EPHA6: variants seen among roughly 807,000 people sequenced by gnomAD.
The protein encoded by EPHA6 is EPH receptor A6.
EPHA6 carries 50 observed loss-of-function variants against 112.0 expected under a neutral mutation model. The ratio of observed to expected loss-of-function variants is 0.45; its 90% CI spans 0.36 to 0.56. The LOEUF is 0.56. EPHA6 is among the 20% of genes least tolerant of loss of function. EPHA6 has a pLI of 0.00. For synonymous variants in EPHA6, 529 were observed against 490.7 expected (o/e 1.08, Z -1.03); for missense variants, 1,280 against 1,417.4 (o/e 0.90, Z 1.56).
chr3:97,328,011 A>C (rs899029133), intron 5 of EPHA6, among the ~76,000 whole-genome samples: 6 of 135,200 alleles, frequency 4.4e-5, no homozygotes, highest in East Asian at 2.0e-4. Flanking sequence ...GTATATGTAT[A>C]TGTGTATATA....
chr3:97,635,007 T>C (rs1271187166), intron 13 of EPHA6, among the ~76,000 whole-genome samples: 2 of 151,934 alleles, frequency 1.3e-5, no homozygotes, highest in Non-Finnish European at 2.9e-5. Flanking sequence ...TAGTATAGCT[T>C]GGTTTGGTGC....
intron 5 of EPHA6, among the ~76,000 whole-genome samples, chr3:97,311,877 G>A (rs367850988): frequency 6.8e-6 from 1 of 146,288 alleles, no homozygotes; most frequent in East Asian, 2.0e-4. Context: ...ACACCCACTA[G>A]AATTTTGAAT....
intron 13 of EPHA6, chr3:97,612,550 G>T: frequency 4.4e-6 from 1 of 227,578 alleles, no homozygotes; most frequent in East Asian, 9.8e-5. Context: ...ATGTTTTAAA[G>T]AAACAATAAT....
chr3:97,459,336 T>C (rs2090807141), intron 7 of EPHA6, among the ~76,000 whole-genome samples: 1 of 152,134 alleles, frequency 6.6e-6, no homozygotes, highest in Non-Finnish European at 1.5e-5. Flanking sequence ...ACCCACTAAA[T>C]CAGAAACTCT....
chr3:97,055,627 TGAG>T (rs2045828013), intron 3 of EPHA6, among the ~76,000 whole-genome samples: 4 of 152,164 alleles, frequency 2.6e-5, no homozygotes, highest in African/African-American at 9.6e-5. Context: ...AATGTAATGT[TGAG>T]GAACAACTGT....
At chr3:97,162,150 A>G (rs576928228) in intron 3 of EPHA6, among the ~76,000 whole-genome samples, 3 of 152,276 alleles carry the variant, frequency 2.0e-5, no homozygotes, top group Admixed American at 1.3e-4. Context: ...GCACAGGTCA[A>G]ATAGTCAAGT....
chr3:96,877,633 A>T (rs904765070), intron 2 of EPHA6, among the ~76,000 whole-genome samples: 43 of 137,566 alleles, frequency 3.1e-4, no homozygotes, highest in African/African-American at 1.0e-3. Context: ...CAAAAAACAC[A>T]GGTTGGCGTT....
intron 10 of EPHA6, among the ~76,000 whole-genome samples, chr3:97,488,133 C>G (rs1048718880): frequency 9.2e-5 from 14 of 152,296 alleles, no homozygotes; most frequent in African/African-American, 3.4e-4. Context: ...GGGCACCCTT[C>G]TTAAATTTGA....
At chr3:97,384,762 G>A (rs543529431) in intron 5 of EPHA6, among the ~76,000 whole-genome samples, 2 of 151,554 alleles carry the variant, frequency 1.3e-5, no homozygotes, top group East Asian at 1.9e-4. Flanking sequence ...CCCCTTTTTT[G>A]ATATTTACAA....
At chr3:97,603,228 T>G (rs868841680) in intron 12 of EPHA6, among the ~76,000 whole-genome samples, 1 of 151,984 alleles carries the variant, frequency 6.6e-6, no homozygotes. Context: ...TTTTCCTATA[T>G]GATAATTTCT....
chr3:96,994,208 C>T (rs762595127), intron 3 of EPHA6: 2 of 407,088 alleles, frequency 4.9e-6, no homozygotes, highest in South Asian at 2.4e-5. Context: ...TAAAAGCAAA[C>T]ACGAATAATT....
chr3:97,254,743 A>ATAT (rs900769372), intron 5 of EPHA6, among the ~76,000 whole-genome samples: 3 of 152,222 alleles, frequency 2.0e-5, no homozygotes, highest in Non-Finnish European at 2.9e-5. Context: ...TTTCTAAGAA[A>ATAT]TATTTTTAAT....
At chr3:96,935,149 C>A (rs1457399243) in intron 2 of EPHA6, among the ~76,000 whole-genome samples, 1 of 151,648 alleles carries the variant, frequency 6.6e-6, no homozygotes, top group African/African-American at 2.4e-5. Context: ...TTTCACTAAA[C>A]CTGAAGACAA....
chr3:96,924,050 A>G (rs1257029235), intron 2 of EPHA6, among the ~76,000 whole-genome samples: 1 of 152,020 alleles, frequency 6.6e-6, no homozygotes, highest in Non-Finnish European at 1.5e-5. Flanking sequence ...ACTCTAGCCT[A>G]GTAGTATAGT....
intron 3 of EPHA6, among the ~76,000 whole-genome samples, chr3:97,097,290 A>C (rs887961038): frequency 1.3e-5 from 2 of 151,844 alleles, no homozygotes; most frequent in Non-Finnish European, 1.5e-5. Flanking sequence ...AAATTTAAAT[A>C]ATTGAGCCAT....
intron 13 of EPHA6, among the ~76,000 whole-genome samples, chr3:97,617,387 A>C (rs561609853): frequency 6.6e-6 from 1 of 152,294 alleles, no homozygotes; most frequent in African/African-American, 2.4e-5. Flanking sequence ...CAAAATAATT[A>C]GCTAGCATCA....
chr3:97,498,737 TAGG>T (rs984524328), intron 10 of EPHA6, among the ~76,000 whole-genome samples: 1 of 152,128 alleles, frequency 6.6e-6, no homozygotes, highest in Admixed American at 6.6e-5. Flanking sequence ...TAGACTCTCA[TAGG>T]AGAACAAACC....
intron 6 of EPHA6, among the ~76,000 whole-genome samples, chr3:97,445,072 C>T (rs2090288322): frequency 6.6e-6 from 1 of 152,012 alleles, no homozygotes; most frequent in South Asian, 2.1e-4. Flanking sequence ...TGGTTCCAAA[C>T]TATTTTTTTT....
chr3:97,679,660 C>G (rs141678445), intron 14 of EPHA6, among the ~76,000 whole-genome samples: 145 of 152,248 alleles, frequency 9.5e-4, no homozygotes, highest in Non-Finnish European at 1.5e-3. Context: ...GTTTTGCCTT[C>G]ATCTTGTCCT....
Sources: gnomAD v4.1 joint callset for allele counts (sites outside exome capture counted in the v4.1 genomes callset) on GRCh38, gnomAD v4.1.1 for gene constraint, MANE v1.5 for transcripts, NCBI Gene and HGNC (gene_info 2026-07-23, HGNC 2026-07-21) for gene names.